POU6F2: variants seen among roughly 807,000 people sequenced by gnomAD.
POU6F2 encodes POU class 6 homeobox 2.
POU6F2 carries 31 observed loss-of-function variants against 71.3 expected under a neutral mutation model. The observed-to-expected ratio is 0.43, with a 90% confidence interval of 0.33 to 0.59. The LOEUF is 0.59. Ranked by LOEUF, POU6F2 falls within the 20% of genes least tolerant of loss-of-function variation. POU6F2 has a pLI of 0.04. For missense variants in POU6F2, 783 were observed against 856.8 expected (o/e 0.91, Z 1.07); for synonymous variants, 347 against 355.7 (o/e 0.98, Z 0.27).
chr7:39,229,330 C>T (rs936498010), intron 4 of POU6F2, among the ~76,000 whole-genome samples: 8 of 152,338 alleles, frequency 5.3e-5, no homozygotes, highest in African/African-American at 1.4e-4. Context: ...GTTTGTTTCC[C>T]GACCTCGGAC....
At chr7:39,283,134 G>A (rs553211185) in intron 4 of POU6F2, among the ~76,000 whole-genome samples, 2 of 152,182 alleles carry the variant, frequency 1.3e-5, no homozygotes, top group Admixed American at 6.5e-5. Context: ...GATTTTGTCT[G>A]CTGCAACTTT....
chr7:39,256,808 A>G (rs960410684), intron 4 of POU6F2, among the ~76,000 whole-genome samples: 1 of 152,160 alleles, frequency 6.6e-6, no homozygotes, highest in African/African-American at 2.4e-5. Context: ...GAACATGGGC[A>G]GTCTAGAAGC....
At position 39,215,741 on chromosome 7, in the gene POU6F2, T is replaced by C. The variant is rs548011468; in HGVS notation, c.598+8121T>C. On this transcript the variant is annotated intron_variant, in intron 4 of 9. Coordinates refer to ENST00000518318, the MANE Select transcript of POU6F2 (RefSeq NM_001370959.1). The stretch of plus-strand genomic sequence containing the variant: ...GATGCATTTTATGCAAGGTCATAAG[T>C]TGTGGTCTCTACACTGCACAGAGAC... 2.0e-5 allele frequency among the ~76,000 whole-genome samples: 3 copies of C among 152,220 alleles called. No individual in the cohort carries two copies. The East Asian group carries it at 5.8e-4, about 29-fold the overall frequency.
intron 5 of POU6F2, among the ~76,000 whole-genome samples, chr7:39,352,464 A>G (rs1786157867): frequency 6.6e-6 from 1 of 152,184 alleles, no homozygotes; most frequent in Admixed American, 6.5e-5. Context: ...ATACATGCAA[A>G]ACAGTAACAA....
intron 2 of POU6F2, among the ~76,000 whole-genome samples, chr7:39,199,638 A>G (rs1451094747): frequency 6.6e-6 from 1 of 152,112 alleles, no homozygotes; most frequent in Non-Finnish European, 1.5e-5. Flanking sequence ...GCACTGAAGA[A>G]AGGAGTGTCG....
chr7:39,082,210 T>A (rs1207304921), intron 1 of POU6F2, among the ~76,000 whole-genome samples: 1 of 152,226 alleles, frequency 6.6e-6, no homozygotes, highest in African/African-American at 2.4e-5. Flanking sequence ...AGAAACTACT[T>A]CTGCTTCTCC....
chr7:39,155,362 G>T (rs992106859), intron 2 of POU6F2, among the ~76,000 whole-genome samples: 28 of 151,884 alleles, frequency 1.8e-4, no homozygotes, highest in African/African-American at 6.3e-4. Flanking sequence ...GATGGAAAGG[G>T]TATTAAAAAT....
intron 4 of POU6F2, among the ~76,000 whole-genome samples, chr7:39,210,677 C>T (rs1014652035): frequency 6.6e-6 from 1 of 152,060 alleles, no homozygotes; most frequent in Admixed American, 6.6e-5. Context: ...AACATGGTCC[C>T]CAGACCAGCG....
Position 39,303,196 on chromosome 7 carries a change from A to C in POU6F2, c.599-36446A>C, listed in dbSNP as rs375689377. On this transcript the variant is annotated intron_variant, in intron 4 of 9. Transcript: ENST00000518318. ...TTTTGAGACGGAGTCTCGCTCTGTC[A>C]CCCAGGCTGGAGTGCGGTAGCACTC... 2.6e-5 allele frequency among the ~76,000 whole-genome samples: 4 copies of C among 152,160 alleles called. No individual in the cohort carries two copies. The South Asian group carries it at 6.2e-4, about 24-fold the overall frequency.
chr7:39,421,236 TA>T (rs1275307863), intron 6 of POU6F2, among the ~76,000 whole-genome samples: 1 of 152,040 alleles, frequency 6.6e-6, no homozygotes, highest in Admixed American at 6.6e-5. Context: ...TAAAGAACAT[TA>T]AAAAAAATTA....
intron 2 of POU6F2, among the ~76,000 whole-genome samples, chr7:39,132,140 A>G (rs1792298754): frequency 6.6e-6 from 1 of 152,232 alleles, no homozygotes. Flanking sequence ...TGTGTGCCAG[A>G]CAGAGGGAAT....
intron 7 of POU6F2, among the ~76,000 whole-genome samples, chr7:39,449,890 G>A (rs573268851): frequency 6.6e-6 from 1 of 152,244 alleles, no homozygotes; most frequent in South Asian, 2.1e-4. Flanking sequence ...TCCATTTCTG[G>A]ACTCAGACAA....
At chr7:39,400,950 T>C (rs1462098049) in intron 5 of POU6F2, among the ~76,000 whole-genome samples, 1 of 151,996 alleles carries the variant, frequency 6.6e-6, no homozygotes, top group Non-Finnish European at 1.5e-5. Context: ...TAAACAGGAT[T>C]TATTGGGCAA....
intron 2 of POU6F2, among the ~76,000 whole-genome samples, chr7:39,195,788 G>A (rs1026287086): frequency 6.6e-6 from 1 of 152,044 alleles, no homozygotes; most frequent in Non-Finnish European, 1.5e-5. Context: ...TGAAGGGTGG[G>A]ATCTTGCAAA....
chr7:39,414,609 C>A (rs975014745), intron 6 of POU6F2, among the ~76,000 whole-genome samples: 3 of 152,154 alleles, frequency 2.0e-5, no homozygotes, highest in Non-Finnish European at 4.4e-5. Context: ...CAGCTGCGGA[C>A]GCGCGGGACG....
chr7:39,424,545 A>T (rs556078744), intron 6 of POU6F2, among the ~76,000 whole-genome samples: 1 of 152,274 alleles, frequency 6.6e-6, no homozygotes, highest in Admixed American at 6.5e-5. Flanking sequence ...CTAGACACCG[A>T]TTGCTGCCCA....
At chr7:39,387,709 A>G (rs1180749849) in intron 5 of POU6F2, among the ~76,000 whole-genome samples, 2 of 152,220 alleles carry the variant, frequency 1.3e-5, no homozygotes, top group East Asian at 1.9e-4. Context: ...AGTTGTTTTC[A>G]TTTGCTACAG....
intron 1 of POU6F2, chr7:39,004,923 C>G (rs566495549): frequency 6.6e-6 from 1 of 152,210 alleles, no homozygotes; most frequent in Non-Finnish European, 1.5e-5. Flanking sequence ...TGGCCAGGCT[C>G]TCAGCACATA....
chr7:39,188,986 A>C (rs994725419), intron 2 of POU6F2, among the ~76,000 whole-genome samples: 1 of 152,236 alleles, frequency 6.6e-6, no homozygotes, highest in Non-Finnish European at 1.5e-5. Flanking sequence ...TATAATTAGC[A>C]TTAGATAGCA....
Sources: gnomAD v4.1 joint callset for allele counts (sites outside exome capture counted in the v4.1 genomes callset) on GRCh38, gnomAD v4.1.1 for gene constraint, MANE v1.5 for transcripts, NCBI Gene and HGNC (gene_info 2026-07-23, HGNC 2026-07-21) for gene names.